Variants in UACA observed in about 807,000 individuals in gnomAD.
The protein encoded by UACA is uveal autoantigen with coiled-coil domains and ankyrin repeats, also known as nuclear membrane binding protein.
UACA carries 112 observed loss-of-function variants against 160.5 expected under a neutral mutation model. The observed-to-expected ratio is 0.70, with a 90% CI of 0.60 to 0.82. The LOEUF (loss-of-function observed/expected upper bound fraction) is 0.82. UACA is among the 40% of genes least tolerant of loss of function. UACA has a pLI of 0.00. For synonymous variants in UACA, 557 were observed against 568.4 expected (o/e 0.98, Z 0.29); for missense variants, 1,574 against 1,614.6 (o/e 0.97, Z 0.43).
At chr15:70,676,864 A>AT (rs1897317954) in intron 12 of UACA, among the ~76,000 whole-genome samples, 1 of 152,178 alleles carries the variant, frequency 6.6e-6, no homozygotes, top group Admixed American at 6.5e-5. Flanking sequence ...ATTTTATATT[A>AT]TTTTCAGGAC....
chr15:70,753,498 A>G (rs531067562), intron 1 of UACA, among the ~76,000 whole-genome samples: 1 of 152,354 alleles, frequency 6.6e-6, no homozygotes, highest in African/African-American at 2.4e-5. Context: ...ATCAGTTCAC[A>G]ATGGTAAGGA....
chr15:70,702,360 A>T (rs1353242642), intron 1 of UACA: 1 of 975,976 alleles, frequency 1.0e-6, no homozygotes, highest in African/African-American at 1.8e-5. Flanking sequence ...CCTGTCTCCC[A>T]TTGGTTGAGT....
rs1442784928 is a variant in UACA at position 70,654,702 on chromosome 15, G to A, written c.*2354C>T. On this transcript the variant is annotated 3_prime_UTR_variant, in exon 19 of 19. Transcript: ENST00000322954. ...GTAATAAAGTTCTCAAGTAAGGATT[G>A]CACTCCAATAGGAATTGAGTGATTC... 1 of 151,348 alleles carries A rather than the reference G, an allele frequency of 6.6e-6. No individual in the cohort carries two copies. Among genetic ancestry groups the A allele is most frequent in the African/African-American group, 2.4e-5 (1 of 41,216 alleles). The allele number at this position is 151,348 out of a possible 1,614,324, so 9.4% of individuals were successfully genotyped here.
chr15:70,694,929 T>A, intron 3 of UACA, 88 bp downstream of exon 3: 2 of 1,049,650 alleles, frequency 1.9e-6, no homozygotes, highest in South Asian at 1.4e-5. Context: ...TCTCTTTATA[T>A]CACATTTAGG....
chr15:70,777,531 T>C, the UACA span, among the ~76,000 whole-genome samples: 1 of 151,998 alleles, frequency 6.6e-6, no homozygotes, highest in South Asian at 2.1e-4. Context: ...AAAAGTGCCA[T>C]ACAACGAAGA....
intron 1 of UACA, among the ~76,000 whole-genome samples, chr15:70,724,931 A>T (rs543270252): frequency 5.2e-4 from 79 of 152,160 alleles, no homozygotes; most frequent in Non-Finnish European, 1.0e-3. Context: ...AAAAAAAAAA[A>T]AAAAATTTAA....
At chr15:70,721,771 C>T (rs1899001492) in intron 1 of UACA, among the ~76,000 whole-genome samples, 1 of 152,128 alleles carries the variant, frequency 6.6e-6, no homozygotes, top group South Asian at 2.1e-4. Context: ...CAGTCACCTG[C>T]CAACATTACA....
intron 1 of UACA, among the ~76,000 whole-genome samples, chr15:70,700,810 T>C (rs879345215): frequency 6.6e-6 from 1 of 151,978 alleles, no homozygotes; most frequent in African/African-American, 2.4e-5. Context: ...CAGTATTATT[T>C]CTAGAACAAA....
intron 1 of UACA, among the ~76,000 whole-genome samples, chr15:70,715,789 T>C (rs1050193228): frequency 2.0e-4 from 31 of 152,196 alleles, no homozygotes; most frequent in African/African-American, 7.5e-4. Flanking sequence ...TTCTCATATT[T>C]AGATCTATAA....
rs1362931327 is a variant in UACA at position 70,668,124 on chromosome 15, T to C, written c.2560A>G (p.Met854Val). 1 of 1,613,730 alleles carries C rather than the reference T, an allele frequency of 6.2e-7. No homozygotes were observed. Among genetic ancestry groups the C allele is most frequent in the South Asian group, 1.1e-5 (1 of 91,018 alleles). ...ACTGGCACATACTGATTACTCATCATCTTCTTCAAGTTAGTGTTTTCAGAT... is the reference window on the plus strand; with the variant it reads ...ACTGGCACATACTGATTACTCATCACCTTCTTCAAGTTAGTGTTTTCAGAT... ...LTSENTNLKK[M>V]MSNQYVPVKT... is the part of the protein sequence containing the mutation. Residue 854 changes from methionine to valine, a missense_variant, in exon 16 of 19, where the codon ATG becomes GTG. Transcript: ENST00000322954.
rs761172640 is a variant in UACA, at chr15:70,667,618, T to C, written c.3066A>G (p.Glu1022=). 14 of 1,612,632 alleles carry C rather than the reference T, an allele frequency of 8.7e-6. No individual in the cohort carries two copies. Among genetic ancestry groups the C allele is most frequent in the Non-Finnish European group, 1.2e-5 (14 of 1,179,718 alleles). Residue 1022 remains glutamate, a synonymous_variant, in exon 16 of 19, where the codon GAA becomes GAG. Coordinates refer to ENST00000322954, the MANE Select transcript of UACA (RefSeq NM_018003.4). The part of the protein sequence containing the change: ...QTQKYSVSEE[E]VKKNKQENDK... The stretch of plus-strand genomic sequence containing the variant: ...CATTCTCTTGCTTGTTTTTCTTGAC[T>C]TCTTCTTCACTGACACTATACTTTT...
Position 70,678,319 on chromosome 15 carries a change from C to G in UACA, c.892-113G>C. 16 of 593,794 alleles carry G rather than the reference C, an allele frequency of 2.7e-5. No individual in the cohort carries two copies. In the South Asian group the frequency reaches 3.8e-4, roughly 14 times the overall value. The allele number at this position is 593,794 out of a possible 1,614,324, so 36.8% of individuals were successfully genotyped here. A position where few individuals can be genotyped will look rare whatever the true frequency, so the allele number is the denominator to read the frequency against. On this transcript the variant is annotated intron_variant, in intron 10 of 18. Transcript: ENST00000322954. ...TACAGGTACATACATATGTAAAACACTAAGTACAAAAGATACAATAATTTC... is the reference window on the plus strand; with the variant it reads ...TACAGGTACATACATATGTAAAACAGTAAGTACAAAAGATACAATAATTTC...
At chr15:70,741,558 G>T (rs781282387) in intron 1 of UACA, among the ~76,000 whole-genome samples, 4 of 152,108 alleles carry the variant, frequency 2.6e-5, no homozygotes, top group Non-Finnish European at 5.9e-5. Flanking sequence ...TATAAAGTTG[G>T]CTTTGTGTTT....
intron 1 of UACA, among the ~76,000 whole-genome samples, chr15:70,711,541 C>G (rs1475676741): frequency 6.6e-6 from 1 of 151,734 alleles, no homozygotes; most frequent in Non-Finnish European, 1.5e-5. Context: ...TTACTAAACA[C>G]CTATGCGCAA....
intron 1 of UACA, among the ~76,000 whole-genome samples, chr15:70,747,252 T>TC (rs1228593772): frequency 6.7e-6 from 1 of 149,264 alleles, no homozygotes; most frequent in African/African-American, 2.5e-5. Flanking sequence ...TTTTTTTTTT[T>TC]TTTTTTTTTT....
Position 70,695,122 on chromosome 15 carries a change from T to A in UACA, c.213-17A>T, listed in dbSNP as rs774374156. 1.2e-5 allele frequency: 19 copies of A among 1,555,692 alleles called. No homozygotes were observed. Among genetic ancestry groups the A allele is most frequent in the Non-Finnish European group, 1.5e-5 (17 of 1,146,992 alleles). On this transcript the variant is annotated splice_polypyrimidine_tract_variant and intron_variant, in intron 2 of 18. Transcript: ENST00000322954. ...ACATGGAAGCTAAACAAAAAAAAAA[T>A]ATTTGTTGTGCTAAGGAAACAACCA...
chr15:70,763,647 A>G (rs1476960527), upstream of UACA: 2 of 625,356 alleles, frequency 3.2e-6, no homozygotes, highest in Non-Finnish European at 4.6e-6. Context: ...GAATGCGGGA[A>G]TGGGGCGGGA....
At chr15:70,722,432 C>T (rs1362186355) in intron 1 of UACA, among the ~76,000 whole-genome samples, 1 of 151,972 alleles carries the variant, frequency 6.6e-6, no homozygotes, top group Non-Finnish European at 1.5e-5. Context: ...AGCCTCTCAC[C>T]TCAGCCTCCT....
At chr15:70,714,354 T>C (rs1381475673) in intron 1 of UACA, among the ~76,000 whole-genome samples, 4 of 152,230 alleles carry the variant, frequency 2.6e-5, no homozygotes, top group African/African-American at 9.6e-5. Flanking sequence ...ACAAAAGCTG[T>C]ACAGCCAGCT....
Sources: gnomAD v4.1 joint callset for allele counts (sites outside exome capture counted in the v4.1 genomes callset) on GRCh38, gnomAD v4.1.1 for gene constraint, MANE v1.5 for transcripts, NCBI Gene and HGNC (gene_info 2026-07-23, HGNC 2026-07-21) for gene names.